Variants in KHDRBS2 observed in about 807,000 individuals in gnomAD.
KHDRBS2 encodes the protein KH RNA binding domain containing, signal transduction associated 2.
KHDRBS2 carries 26 observed loss-of-function variants against 44.3 expected under a neutral mutation model. The ratio of observed to expected loss-of-function variants is 0.59; its 90% CI spans 0.43 to 0.81. The LOEUF (loss-of-function observed/expected upper bound fraction) is 0.81. Among genes scored for constraint, KHDRBS2 ranks in the 40% least tolerant of loss-of-function variants. The pLI is 0.00. For missense variants in KHDRBS2, 476 were observed against 433.1 expected (o/e 1.10, Z -0.88); for synonymous variants, 194 against 151.1 (o/e 1.28, Z -2.08).
At chr6:61,898,225 A>G (rs1803295310) in intron 5 of KHDRBS2, among the ~76,000 whole-genome samples, 2 of 151,962 alleles carry the variant, frequency 1.3e-5, no homozygotes, top group South Asian at 4.1e-4. Flanking sequence ...ATGTTATGCA[A>G]AGTTCTCTTA....
At chr6:61,911,633 A>C (rs377199368) in intron 4 of KHDRBS2, among the ~76,000 whole-genome samples, 83 of 152,060 alleles carry the variant, frequency 5.5e-4, no homozygotes, top group African/African-American at 2.0e-3. Context: ...TAAATTCTAC[A>C]TTTTTGTTTT....
At chr6:62,236,570 C>CA (rs1273396503) in intron 1 of KHDRBS2, among the ~76,000 whole-genome samples, 2 of 152,068 alleles carry the variant, frequency 1.3e-5, no homozygotes, top group Middle Eastern at 3.4e-3. Context: ...CAATTTCATA[C>CA]AAAAAATACT....
intron 1 of KHDRBS2, among the ~76,000 whole-genome samples, chr6:62,230,823 G>A (rs926521312): frequency 1.3e-5 from 2 of 152,106 alleles, no homozygotes; most frequent in African/African-American, 4.8e-5. Flanking sequence ...ATAAATGTTA[G>A]AAGCTTTATT....
At chr6:62,098,348 G>C (rs9342665) in intron 2 of KHDRBS2, among the ~76,000 whole-genome samples, 93,516 of 150,714 alleles carry the variant, frequency 0.62, 29,103 homozygotes, top group African/African-American at 0.64. Flanking sequence ...TATACTCTCT[G>C]AGCTTTTGTC....
intron 6 of KHDRBS2, among the ~76,000 whole-genome samples, chr6:61,736,692 G>A (rs1775411161): frequency 6.6e-6 from 1 of 151,896 alleles, no homozygotes; most frequent in African/African-American, 2.4e-5. Flanking sequence ...GGGCTCCAGG[G>A]CTCCTGAAAT....
intron 2 of KHDRBS2, among the ~76,000 whole-genome samples, chr6:62,062,901 AAGAG>A (rs1403441825): frequency 2.7e-5 from 4 of 149,686 alleles, no homozygotes; most frequent in East Asian, 4.0e-4. Context: ...TAAAGAAAAA[AAGAG>A]AGAAGAATCA....
intron 1 of KHDRBS2, among the ~76,000 whole-genome samples, chr6:62,186,627 T>C (rs1012342760): frequency 5.3e-5 from 8 of 151,894 alleles, no homozygotes. Context: ...AATGCAGCTA[T>C]GGTGATGATA....
chr6:61,859,811 G>A (rs1275744499), intron 6 of KHDRBS2, among the ~76,000 whole-genome samples: 1 of 151,910 alleles, frequency 6.6e-6, no homozygotes. Flanking sequence ...GAGAAAACAT[G>A]AGGCAATAAA....
chr6:62,048,137 C>CACACAA, intron 2 of KHDRBS2, 143 bp from the exon 3 acceptor site: 3 of 593,836 alleles, frequency 5.1e-6, no homozygotes, highest in Non-Finnish European at 9.1e-6. Flanking sequence ...CACACACACA[C>CACACAA]ACACACACAC....
At chr6:61,809,388 TG>T (rs1223611733) in intron 6 of KHDRBS2, among the ~76,000 whole-genome samples, 2 of 152,158 alleles carry the variant, frequency 1.3e-5, no homozygotes, top group Non-Finnish European at 2.9e-5. Context: ...CTTTGACATT[TG>T]GTTAGCTAGA....
chr6:61,741,479 AC>A (rs1231349262), intron 6 of KHDRBS2, among the ~76,000 whole-genome samples: 3 of 151,954 alleles, frequency 2.0e-5, no homozygotes, highest in Non-Finnish European at 4.4e-5. Flanking sequence ...AATAATTTCA[AC>A]TTTTATTCTA....
chr6:61,708,924 G>T (rs1249031866), intron 7 of KHDRBS2, among the ~76,000 whole-genome samples: 2 of 151,552 alleles, frequency 1.3e-5, no homozygotes, highest in Admixed American at 1.3e-4. Context: ...ATTATATACA[G>T]AATCCAAAAA....
intron 1 of KHDRBS2, among the ~76,000 whole-genome samples, chr6:62,215,042 T>C (rs1481601493): frequency 6.6e-6 from 1 of 151,908 alleles, no homozygotes. Context: ...GAATTTTCCA[T>C]TGTTTCCTTA....
chr6:62,185,596 T>C (rs910362967), intron 1 of KHDRBS2, among the ~76,000 whole-genome samples: 1 of 152,020 alleles, frequency 6.6e-6, no homozygotes, highest in Non-Finnish European at 1.5e-5. Context: ...TATTTTTGAT[T>C]ATTGAAGTAG....
intron 2 of KHDRBS2, among the ~76,000 whole-genome samples, chr6:62,072,754 T>A (rs1024136744): frequency 6.6e-6 from 1 of 152,218 alleles, no homozygotes; most frequent in South Asian, 2.1e-4. Flanking sequence ...ATTATTTTAT[T>A]GAGGATTTTT....
At chr6:61,590,818 T>G in the KHDRBS2 span, among the ~76,000 whole-genome samples, 1 of 152,194 alleles carries the variant, frequency 6.6e-6, no homozygotes, top group Admixed American at 6.5e-5. Context: ...TCCAGACTTT[T>G]GATGATTACA....
intron 7 of KHDRBS2, among the ~76,000 whole-genome samples, chr6:61,730,467 G>C (rs956685072): frequency 2.0e-5 from 3 of 151,984 alleles, no homozygotes; most frequent in African/African-American, 7.2e-5. Context: ...AGAGAGATGA[G>C]GCTGTATTAG....
chr6:61,664,466 C>G, the KHDRBS2 span, among the ~76,000 whole-genome samples: 1 of 151,728 alleles, frequency 6.6e-6, no homozygotes, highest in Admixed American at 6.6e-5. Context: ...GAGGAAAAGA[C>G]AGTGCCCATT....
chr6:62,128,998 A>T (rs1809622195), intron 2 of KHDRBS2, among the ~76,000 whole-genome samples: 1 of 152,096 alleles, frequency 6.6e-6, no homozygotes, highest in Non-Finnish European at 1.5e-5. Context: ...AATGTGTGTG[A>T]CTATCACTGA....
Sources: gnomAD v4.1 joint callset for allele counts (sites outside exome capture counted in the v4.1 genomes callset) on GRCh38, gnomAD v4.1.1 for gene constraint, MANE v1.5 for transcripts, NCBI Gene and HGNC (gene_info 2026-07-23, HGNC 2026-07-21) for gene names.